The following MARCHF7 variants were observed in gnomAD, a reference collection of about 807,000 sequenced individuals.
MARCHF7 encodes the protein E3 ubiquitin-protein ligase MARCHF7.
A neutral mutation model predicts 76.5 loss-of-function variants in MARCHF7; 20 were observed. The observed-to-expected ratio is 0.26, with a 90% CI of 0.18 to 0.38. The LOEUF (loss-of-function observed/expected upper bound fraction) is 0.38. MARCHF7 is among the 10% of genes least tolerant of loss of function. The pLI, the probability that MARCHF7 is intolerant of heterozygous loss-of-function variation, is 1.00. For missense variants in MARCHF7, 797 were observed against 812.9 expected (o/e 0.98, Z 0.24); for synonymous variants, 295 against 293.0 (o/e 1.01, Z -0.07).
intron 3 of MARCHF7, among the ~76,000 whole-genome samples, chr2:159,725,921 G>C (rs899015231): frequency 6.6e-6 from 1 of 152,158 alleles, no homozygotes; most frequent in Non-Finnish European, 1.5e-5. Context: ...ATCTTATCAC[G>C]GGTGTTTGGT....
chr2:159,756,566 A>G (rs1423048849), intron 8 of MARCHF7, among the ~76,000 whole-genome samples: 2 of 151,846 alleles, frequency 1.3e-5, no homozygotes, highest in Admixed American at 6.6e-5. Flanking sequence ...GCACACCTGT[A>G]ATCCCAGCTA....
intron 4 of MARCHF7, among the ~76,000 whole-genome samples, chr2:159,738,412 G>A (rs1703724216): frequency 1.3e-5 from 2 of 152,116 alleles, no homozygotes; most frequent in Non-Finnish European, 2.9e-5. Context: ...ACAGCTCTTC[G>A]AGTCCCACCA....
chr2:159,734,176 G>C, intron 4 of MARCHF7: 1 of 1,009,706 alleles, frequency 9.9e-7, no homozygotes, highest in Non-Finnish European at 1.3e-6. Context: ...TTGTTTTGGT[G>C]TATTTTTCTG....
intron 1 of MARCHF7, among the ~76,000 whole-genome samples, chr2:159,714,129 G>C (rs895920857): frequency 6.6e-6 from 1 of 152,092 alleles, no homozygotes; most frequent in Non-Finnish European, 1.5e-5. Flanking sequence ...CCAATTTTTA[G>C]TCCGCTCCAT....
At chr2:159,740,980 C>T (rs139871335) in intron 4 of MARCHF7, among the ~76,000 whole-genome samples, 24 of 152,130 alleles carry the variant, frequency 1.6e-4, no homozygotes, top group African/African-American at 5.5e-4. Context: ...GAGTTCAAAA[C>T]AAGCTTGGGC....
intron 3 of MARCHF7, among the ~76,000 whole-genome samples, chr2:159,725,232 G>T (rs949843038): frequency 6.6e-6 from 1 of 152,168 alleles, no homozygotes; most frequent in African/African-American, 2.4e-5. Context: ...GGTATTTCTA[G>T]TTCTAGATCC....
chr2:159,756,041 C>T (rs1290937579), intron 8 of MARCHF7, among the ~76,000 whole-genome samples: 1 of 152,184 alleles, frequency 6.6e-6, no homozygotes, highest in East Asian at 1.9e-4. Context: ...GTTACAGTGA[C>T]TCACAGGTTT....
intron 9 of MARCHF7, among the ~76,000 whole-genome samples, chr2:159,761,182 C>A (rs1447184605): frequency 1.3e-5 from 2 of 151,686 alleles, no homozygotes; most frequent in African/African-American, 2.4e-5. Context: ...GCCTCCACAC[C>A]AGGCTAATTT....
At chr2:159,726,497 T>C (rs71423027) in intron 3 of MARCHF7, among the ~76,000 whole-genome samples, 52,433 of 150,846 alleles carry the variant, frequency 0.35, 9,258 homozygotes, top group South Asian at 0.44. Flanking sequence ...CTCCTGACCT[T>C]GTGATCCGCC....
chr2:159,752,435 T>A lies in MARCHF7; in HGVS notation c.1647T>A (p.Gly549=), dbSNP rs201821473. 211 of 1,600,846 alleles carry A rather than the reference T, an allele frequency of 1.3e-4. 4 individuals carry two copies. Among genetic ancestry groups the A allele is most frequent in the Non-Finnish European group, 1.3e-4 (156 of 1,175,206 alleles). The change falls in exon 8 of 12, where the codon GGT becomes GGA. Residue 549 remains glycine, a synonymous_variant. Transcript: ENST00000409175. ...LLLEDSEEEE[G]DLCRICQMAA... ...TAGAGGACTCAGAAGAAGAAGAAGG[T>A]GACTTATGTAGAATTTGTCAAATGG...
Position 159,759,221 on chromosome 2 carries a change from A to G in MARCHF7, c.1784-5A>G, listed in dbSNP as rs1706706427. 2.0e-6 allele frequency: 3 copies of G among 1,509,146 alleles called. No individual in the cohort carries two copies. The highest frequency in any genetic ancestry group is 1.4e-5 in the African/African-American group (1 of 71,940). The allele number at this position is 1,509,146 out of a possible 1,614,324, so 93.5% of individuals were successfully genotyped here. A position where few individuals can be genotyped will look rare whatever the true frequency, so the allele number is the denominator to read the frequency against. On this transcript the variant is annotated splice_region_variant and splice_polypyrimidine_tract_variant and intron_variant, in intron 8 of 11. Transcript: ENST00000409175. ...AAGCTTTATTTGTAATTTAATTTTT[A>G]CCAGGTTCTTCATTAGAAGCTGTAA...
At position 159,762,939 on chromosome 2, in the gene MARCHF7, A is replaced by G; in HGVS notation, c.1953A>G (p.Glu651=). 1.9e-6 allele frequency: 3 copies of G among 1,613,324 alleles called. No individual in the cohort carries two copies. The highest frequency in any genetic ancestry group is 2.5e-6 in the Non-Finnish European group (3 of 1,179,756). The change falls in exon 10 of 12, where the codon GAA becomes GAG. Residue 651 remains glutamate, a synonymous_variant. Coordinates refer to ENST00000409175, the MANE Select transcript of MARCHF7 (RefSeq NM_001282805.2). ...LYLVVLLHLC[E]QSFSDMMGNT... Reference sequence around the variant, plus strand: ...TAGTGGTGTTATTGCACTTGTGCGAACAAAGCTTTTCTGATATGATGGGAA... The same window carrying G: ...TAGTGGTGTTATTGCACTTGTGCGAGCAAAGCTTTTCTGATATGATGGGAA...
chr2:159,748,980 T>TC (rs1705258431), intron 7 of MARCHF7, 77 bp downstream of exon 7: 6 of 1,035,008 alleles, frequency 5.8e-6, no homozygotes, highest in African/African-American at 5.5e-5. Context: ...TTTCTTTTCT[T>TC]TTTTTTTTTT....
intron 4 of MARCHF7, among the ~76,000 whole-genome samples, chr2:159,729,386 T>C (rs1395515004): frequency 6.6e-6 from 1 of 152,142 alleles, no homozygotes; most frequent in African/African-American, 2.4e-5. Context: ...AATCATACTT[T>C]TGCGCTGGGA....
chr2:159,759,993 A>T (rs1455072023), intron 9 of MARCHF7, among the ~76,000 whole-genome samples: 1 of 152,186 alleles, frequency 6.6e-6, no homozygotes, highest in Non-Finnish European at 1.5e-5. Flanking sequence ...CTCTTTTATT[A>T]TATTGAATGA....
intron 4 of MARCHF7, among the ~76,000 whole-genome samples, chr2:159,741,655 G>A (rs1704141048): frequency 6.6e-6 from 1 of 152,184 alleles, no homozygotes; most frequent in Admixed American, 6.5e-5. Flanking sequence ...AATGTAGACT[G>A]AAATTATGGC....
intron 3 of MARCHF7, among the ~76,000 whole-genome samples, chr2:159,722,005 CCATTT>C (rs1701692417): frequency 6.6e-6 from 1 of 152,286 alleles, no homozygotes; most frequent in Non-Finnish European, 1.5e-5. Flanking sequence ...AAGGAAAAGA[CCATTT>C]CATTGACCAT....
In MARCHF7 at chr2:159,715,682, T is replaced by C. The variant is rs1700953503; in HGVS notation, c.-99T>C. The C allele has an allele frequency of 6.6e-6, 1 of 152,160 alleles. No individual in the cohort carries two copies. The highest frequency in any genetic ancestry group is 1.5e-5 in the Non-Finnish European group (1 of 68,042). The allele number at this position is 152,160 out of a possible 1,614,324, so 9.4% of individuals were successfully genotyped here. The stretch of plus-strand genomic sequence containing the variant: ...ATTTTCATTAATCTTAATTTTCAGC[T>C]TTCTGCCCTGGCATGAACTTACATG... On this transcript the variant is annotated splice_region_variant and 5_prime_UTR_variant, in exon 3 of 12. Transcript: ENST00000409175.
At chr2:159,733,953 AG>A in intron 4 of MARCHF7, 1 of 1,268,108 alleles carries the variant, frequency 7.9e-7, no homozygotes, top group African/African-American at 1.5e-5. Flanking sequence ...AATATCTTTC[AG>A]TTCTCAGCCA....
Sources: gnomAD v4.1 joint callset for allele counts (sites outside exome capture counted in the v4.1 genomes callset) on GRCh38, gnomAD v4.1.1 for gene constraint, MANE v1.5 for transcripts, NCBI Gene and HGNC (gene_info 2026-07-23, HGNC 2026-07-21) for gene names.